The following RAP1GAP2 variants were observed in gnomAD, a reference collection of about 807,000 sequenced individuals.
RAP1GAP2 encodes the protein RAP1 GTPase activating protein 2.
In RAP1GAP2, 27 loss-of-function variants were observed where a neutral mutation model predicts 95.0. That is an observed-to-expected ratio of 0.28 (90% CI 0.21 to 0.39). The LOEUF is 0.39. Ranked by LOEUF, RAP1GAP2 falls within the 10% of genes least tolerant of loss-of-function variation. The pLI, the probability that RAP1GAP2 is intolerant of heterozygous loss-of-function variation, is 1.00. For missense variants in RAP1GAP2, 771 were observed against 970.0 expected, an observed-to-expected ratio of 0.79 and a Z score of 2.72; for synonymous variants, 373 against 380.9, an observed-to-expected ratio of 0.98 and a Z score of 0.24.
chr17:2,869,207 T>A (rs2072742124), intron 2 of RAP1GAP2, among the ~76,000 whole-genome samples: 1 of 152,186 alleles, frequency 6.6e-6, no homozygotes, highest in African/African-American at 2.4e-5. Flanking sequence ...CTATAGTCTA[T>A]CTACTCTTAT....
intron 2 of RAP1GAP2, among the ~76,000 whole-genome samples, chr17:2,869,331 A>G (rs535485289): frequency 6.6e-6 from 1 of 152,006 alleles, no homozygotes; most frequent in Non-Finnish European, 1.5e-5. Flanking sequence ...GAATGTGTAC[A>G]AAGTTCCTGT....
intron 2 of RAP1GAP2, among the ~76,000 whole-genome samples, chr17:2,826,544 G>C (rs986562823): frequency 6.6e-6 from 1 of 152,002 alleles, no homozygotes; most frequent in Non-Finnish European, 1.5e-5. Flanking sequence ...TTGGGAAGGC[G>C]GCCTTGGGAG....
chr17:2,777,941 G>T (rs1025951880), intron 1 of RAP1GAP2, among the ~76,000 whole-genome samples: 1 of 147,474 alleles, frequency 6.8e-6, no homozygotes, highest in Non-Finnish European at 1.5e-5. Flanking sequence ...TTGCACAGCT[G>T]CCAGGAGGCT....
chr17:2,760,913 A>C (rs2071233684), intron 1 of RAP1GAP2, among the ~76,000 whole-genome samples: 1 of 151,846 alleles, frequency 6.6e-6, no homozygotes, highest in Non-Finnish European at 1.5e-5. Context: ...AGTTTTGGGG[A>C]GGAGGATCAC....
At chr17:2,945,074 A>T (rs1346144312) in intron 3 of RAP1GAP2, among the ~76,000 whole-genome samples, 1 of 151,956 alleles carries the variant, frequency 6.6e-6, no homozygotes, top group East Asian at 1.9e-4. Context: ...ACGAGGTTTC[A>T]CTGTGTTAGC....
chr17:2,850,769 A>T (rs1196104287), intron 2 of RAP1GAP2, among the ~76,000 whole-genome samples: 7 of 146,712 alleles, frequency 4.8e-5, no homozygotes, highest in Admixed American at 1.4e-4. Context: ...AAAAAAAAAA[A>T]ATTAAGTAAA....
At chr17:2,916,336 A>G (rs1375142696) in intron 3 of RAP1GAP2, among the ~76,000 whole-genome samples, 2 of 152,192 alleles carry the variant, frequency 1.3e-5, no homozygotes, top group Non-Finnish European at 2.9e-5. Context: ...ACTCTTTCCC[A>G]AGAGCTTAGA....
At chr17:2,926,703 C>T (rs1224934033) in intron 3 of RAP1GAP2, among the ~76,000 whole-genome samples, 2 of 152,024 alleles carry the variant, frequency 1.3e-5, no homozygotes, top group Admixed American at 6.6e-5. Context: ...TCACTGAGAT[C>T]AAATCAAGAT....
chr17:2,769,232 TAAAAAAAAAAAA>T (rs58436827), intron 1 of RAP1GAP2, among the ~76,000 whole-genome samples: 8 of 42,912 alleles, frequency 1.9e-4, no homozygotes, highest in Admixed American at 4.0e-4. Flanking sequence ...ACCATTTCTC[TAAAAAAAAAAAA>T]AAAAAAAAAA....
intron 2 of RAP1GAP2, among the ~76,000 whole-genome samples, chr17:2,886,467 C>G (rs1317464909): frequency 6.6e-6 from 1 of 151,932 alleles, no homozygotes; most frequent in Non-Finnish European, 1.5e-5. Flanking sequence ...GCCACCGTGC[C>G]CGGCCATATG....
rs979472257 is a variant in RAP1GAP2, at chr17:2,906,924, TG to T, written c.165+1557del. On this transcript the variant is annotated intron_variant, in intron 3 of 24. Transcript: ENST00000254695. The surrounding 1 kb of genome is among the most constrained non-coding windows in gnomAD (Gnocchi z 4.3). ...GGCTTAGTCATAAAAGGGTATTTTT[TG>T]CCTTTGTAATTGCAAGCATAGACGG... is the stretch of plus-strand genomic sequence containing the variant. Among the ~76,000 whole-genome samples, 2 of 152,098 alleles carry T rather than the reference TG, an allele frequency of 1.3e-5. No homozygotes were observed. The highest frequency in any genetic ancestry group is 2.9e-5 in the Non-Finnish European group (2 of 68,006).
At chr17:2,955,681 G>A (rs1567819538) in intron 3 of RAP1GAP2, among the ~76,000 whole-genome samples, 2 of 151,924 alleles carry the variant, frequency 1.3e-5, no homozygotes, top group African/African-American at 2.4e-5. Flanking sequence ...TTCGTGCGTC[G>A]TTTTTTTGAT....
chr17:2,988,707 C>T (rs1218572836), intron 11 of RAP1GAP2, among the ~76,000 whole-genome samples: 1 of 152,176 alleles, frequency 6.6e-6, no homozygotes, highest in Non-Finnish European at 1.5e-5. Flanking sequence ...TTTCATTTCT[C>T]TGGGATACAT....
intron 2 of RAP1GAP2, among the ~76,000 whole-genome samples, chr17:2,813,156 C>T (rs2069847196): frequency 1.3e-5 from 2 of 151,348 alleles, no homozygotes; most frequent in South Asian, 2.1e-4. Flanking sequence ...ACTGCAACCT[C>T]CGCCTCCCAG....
intron 3 of RAP1GAP2, among the ~76,000 whole-genome samples, chr17:2,927,809 C>T (rs1005171860): frequency 2.0e-5 from 3 of 152,224 alleles, no homozygotes; most frequent in Admixed American, 6.5e-5. Context: ...CACCGCATAG[C>T]GGGCCTTCCC....
chr17:2,971,159 A>G (rs2044852222), intron 8 of RAP1GAP2, among the ~76,000 whole-genome samples: 1 of 152,238 alleles, frequency 6.6e-6, no homozygotes, highest in Non-Finnish European at 1.5e-5. Context: ...AACTAAATAC[A>G]TTTCAGAGAG....
intron 2 of RAP1GAP2, among the ~76,000 whole-genome samples, chr17:2,895,829 C>T (rs540505240): frequency 2.0e-4 from 30 of 152,248 alleles, no homozygotes; most frequent in African/African-American, 4.6e-4. Context: ...CTGCCTGCCT[C>T]GGCCTCCCAA....
chr17:2,774,816 C>CTT (rs370177422), upstream of RAP1GAP2, among the ~76,000 whole-genome samples: 1 of 130,374 alleles, frequency 7.7e-6, no homozygotes, highest in Non-Finnish European at 1.6e-5. Flanking sequence ...CCCTGCTATC[C>CTT]TTTTTTTTTT....
intron 1 of RAP1GAP2, among the ~76,000 whole-genome samples, chr17:2,780,646 C>G (rs1288228443): frequency 6.6e-6 from 1 of 152,258 alleles, no homozygotes; most frequent in Non-Finnish European, 1.5e-5. Context: ...ACAAAGGTCA[C>G]TGCGTTCATC....
Sources: allele counts gnomAD v4.1 joint callset (sites outside exome capture counted in the v4.1 genomes callset), GRCh38; gene constraint gnomAD v4.1.1; non-coding constraint Gnocchi (gnomAD v3.1); transcripts MANE v1.5; gene names NCBI Gene and HGNC (gene_info 2026-07-23, HGNC 2026-07-21).